GCN1: variants seen among roughly 807,000 people sequenced by gnomAD.
GCN1 encodes the protein stalled ribosome sensor GCN1.
Under a neutral mutation model 288.4 loss-of-function variants are expected in GCN1, and 90 were observed. That is an observed-to-expected ratio of 0.31 (90% CI 0.26 to 0.37). The LOEUF (loss-of-function observed/expected upper bound fraction) is 0.37. Among genes scored for constraint, GCN1 ranks in the 10% least tolerant of loss-of-function variants. The pLI is 1.00. For synonymous variants in GCN1, 1,386 were observed against 1,420.2 expected, an observed-to-expected ratio of 0.98 and a Z score of 0.54; for missense variants, 2,586 against 3,419.9, an observed-to-expected ratio of 0.76 and a Z score of 6.08.
At position 120,160,247 on chromosome 12, in the gene GCN1, CTTT is replaced by C. The variant is rs1566309119; in HGVS notation, c.2442_2444del (p.Ile814_Lys815delinsMet). On this transcript the variant is annotated inframe_deletion, in exon 23 of 58. Transcript: ENST00000300648. ...CCTCCTCTTTGATGCCTTTCTTCTT[CTTT>C]ATCTCCTAAAGAGGATGGGCAAACC... The C allele has an allele frequency of 1.9e-6, 3 of 1,610,238 alleles. No individual in the cohort carries two copies. The highest frequency in any genetic ancestry group is 1.7e-4 in the Middle Eastern group (1 of 6,058).
chr12:120,148,113 A>G (rs769028080), intron 37 of GCN1, 54 bp downstream of exon 37: 37 of 1,348,644 alleles, frequency 2.7e-5, no homozygotes, highest in Non-Finnish European at 3.6e-5. Flanking sequence ...CAGTGTCCAA[A>G]GGCTGCGGCG....
At position 120,156,314 on chromosome 12, in the gene GCN1, CAG is replaced by C. The variant is rs1321295261; in HGVS notation, c.3312+145_3312+146del. 7.7e-5 allele frequency: 55 copies of C among 714,358 alleles called. No homozygotes were observed. In the African/African-American group the frequency reaches 7.9e-4, roughly 10 times the overall value. 44.3% of individuals were successfully genotyped at this position (714,358 alleles called of 1,614,324 possible). On this transcript the variant is annotated intron_variant, in intron 28 of 57. Coordinates refer to ENST00000300648, the MANE Select transcript of GCN1 (RefSeq NM_006836.2). The surrounding 1 kb of genome is among the most constrained non-coding windows in gnomAD (Gnocchi z 5.8). ...CATGACTGCTTAGTGTTCTGATTCT[CAG>C]AGAGACCCCAACCATGTGACTTCTT...
At chr12:120,185,311 G>A (rs1196265648) in intron 2 of GCN1, among the ~76,000 whole-genome samples, 2 of 152,138 alleles carry the variant, frequency 1.3e-5, no homozygotes, top group Non-Finnish European at 2.9e-5. Flanking sequence ...GAAGTACTAT[G>A]AGGGACCAGA....
Position 120,140,924 on chromosome 12 carries a change from T to C in GCN1, c.5929A>G (p.Ser1977Gly). 6.2e-7 allele frequency: 1 copy of C among 1,614,036 alleles called. No individual in the cohort carries two copies. The highest frequency in any genetic ancestry group is 8.5e-7 in the Non-Finnish European group (1 of 1,179,968). The change falls in exon 45 of 58, where the codon AGC becomes GGC. Residue 1977 changes from serine to glycine, a missense_variant. Around this residue, in one of 8 missense-constraint regions of GCN1, gnomAD observed 437 missense variants for 570.5 expected, o/e 0.77. Transcript: ENST00000300648. ...ILEEGLRSQK[S>G]DERQGVCIGL... ...ATGCACACACCCTGCCTCTCATCGC[T>C]CTTCTGAGACCTCAGGCCTTCCTCA...
At chr12:120,190,852 T>TA (rs1878981337) in intron 1 of GCN1, among the ~76,000 whole-genome samples, 1 of 152,174 alleles carries the variant, frequency 6.6e-6, no homozygotes, top group African/African-American at 2.4e-5. Context: ...TATCTCACTT[T>TA]AACCTCCCCA....
chr12:120,184,378 A>G lies in GCN1; in HGVS notation c.186-135T>C, dbSNP rs1878756790. 6.7e-6 allele frequency: 5 copies of G among 742,332 alleles called. No homozygotes were observed. The South Asian group carries it at 9.0e-5, about 13-fold the overall frequency. The allele number at this position is 742,332 out of a possible 1,614,324, so 46.0% of individuals were successfully genotyped here. A position where few individuals can be genotyped will look rare whatever the true frequency, so the allele number is the denominator to read the frequency against. ...TATTCCAGTGGATAACAGAGAAGGG[A>G]TTAGGAAATAACTAGATAAACTCAC... On this transcript the variant is annotated intron_variant, in intron 3 of 57. Coordinates refer to ENST00000300648, the MANE Select transcript of GCN1 (RefSeq NM_006836.2).
chr12:120,188,450 A>AC (rs2139146274), intron 2 of GCN1, among the ~76,000 whole-genome samples: 2 of 151,172 alleles, frequency 1.3e-5, no homozygotes, highest in African/African-American at 4.9e-5. Context: ...GAAAAAAAAA[A>AC]AAAAAAAACC....
chr12:120,135,859 C>CA (rs1876986080), intron 51 of GCN1, among the ~76,000 whole-genome samples: 1 of 151,554 alleles, frequency 6.6e-6, no homozygotes, highest in Non-Finnish European at 1.5e-5. Flanking sequence ...ACTAAAAATA[C>CA]AAAAAAATTA....
intron 16 of GCN1, among the ~76,000 whole-genome samples, chr12:120,167,263 G>C (rs1017868391): frequency 6.8e-6 from 1 of 147,910 alleles, no homozygotes; most frequent in African/African-American, 2.5e-5. Flanking sequence ...TGAGGCAAGA[G>C]AACCGCTTGA....
At position 120,168,319 on chromosome 12, in the gene GCN1, T is replaced by A; in HGVS notation, c.1520-19A>T. 7.0e-7 allele frequency: 1 copy of A among 1,434,568 alleles called. No homozygotes were observed. The highest frequency in any genetic ancestry group is 9.8e-7 in the Non-Finnish European group (1 of 1,015,882). The allele number at this position is 1,434,568 out of a possible 1,614,324, so 88.9% of individuals were successfully genotyped here. ...TTGGCCTCTGCAAGAAACAAAAGGT[T>A]ACCCCACGACGCAGCTCACCACATC... is the stretch of plus-strand genomic sequence containing the variant. On this transcript the variant is annotated intron_variant, in intron 15 of 57. Transcript: ENST00000300648.
At chr12:120,174,247 G>A (rs1013679375) in intron 12 of GCN1, 78 bp from the exon 13 acceptor site, 8 of 804,102 alleles carry the variant, frequency 9.9e-6, no homozygotes, top group African/African-American at 3.4e-5. Flanking sequence ...TGCCACCTCC[G>A]CACTCTGGGT....
At position 120,178,842 on chromosome 12, in the gene GCN1, G is replaced by A; in HGVS notation, c.525+10C>T. 6.2e-7 allele frequency: 1 copy of A among 1,613,874 alleles called. No homozygotes were observed. The highest frequency in any genetic ancestry group is 8.5e-7 in the Non-Finnish European group (1 of 1,179,724). On this transcript the variant is annotated intron_variant, in intron 6 of 57. Transcript: ENST00000300648. ...GAAGCAATGCCCACCAGCCCCTGCA[G>A]TCCTGTCACCTCTTTCCACAGCTTC...
At chr12:120,170,423 C>T (rs923922883) in intron 14 of GCN1, 102 bp from the exon 15 acceptor site, 2 of 1,007,816 alleles carry the variant, frequency 2.0e-6, no homozygotes, top group African/African-American at 3.3e-5. Flanking sequence ...ACGACTAAAA[C>T]CCTTCAGTTA....
chr12:120,154,069 A>G (rs1330155835), intron 31 of GCN1, among the ~76,000 whole-genome samples, 160 bp from the exon 32 acceptor site: 2 of 152,170 alleles, frequency 1.3e-5, no homozygotes, highest in Non-Finnish European at 2.9e-5. Context: ...TGCTCACCCA[A>G]TGTTCTGGAA....
chr12:120,160,541 C>T (rs1877892829), intron 22 of GCN1, among the ~76,000 whole-genome samples: 1 of 152,218 alleles, frequency 6.6e-6, no homozygotes, highest in Non-Finnish European at 1.5e-5. Flanking sequence ...CCTCAATGTA[C>T]TCAAAAGGGT....
In GCN1 at chr12:120,138,749, G is replaced by A. The variant is rs757300626; in HGVS notation, c.6102C>T (p.Ser2034=). The A allele has an allele frequency of 2.5e-6, 4 of 1,614,210 alleles. No individual in the cohort carries two copies. In the South Asian group the frequency reaches 3.3e-5, roughly 13 times the overall value. ...CCTCCAGAGCCTGGTGGCCGATGGT[G>A]GAATGCAGCTGCTCGAAAGTCTTGG... ...AAAKTFEQLH[S]TIGHQALEDI... The change falls in exon 46 of 58, where the codon TCC becomes TCT. Residue 2034 remains serine, a synonymous_variant. Transcript: ENST00000300648.
At chr12:120,164,575 ACCCTTTCTCGGGTTCCTGC>A in intron 17 of GCN1, 52 bp downstream of exon 17, 1 of 1,595,588 alleles carries the variant, frequency 6.3e-7, no homozygotes, top group Non-Finnish European at 8.6e-7. Flanking sequence ...CCTGCCACAC[ACCCTTTCTCGGGTTCCTGC>A]CAGCCTTTGC....
At chr12:120,174,263 A>G in intron 12 of GCN1, 94 bp from the exon 13 acceptor site, 1 of 732,116 alleles carries the variant, frequency 1.4e-6, no homozygotes, top group Non-Finnish European at 2.5e-6. Context: ...TGGGTCACAG[A>G]CCTCTTCTGT....
chr12:120,150,836 C>T (rs1409372481), intron 34 of GCN1, among the ~76,000 whole-genome samples: 1 of 151,716 alleles, frequency 6.6e-6, no homozygotes, highest in African/African-American at 2.4e-5. Context: ...ACTTGGGAGG[C>T]TAAGGCAGGA....
Sources: gnomAD v4.1 joint callset for allele counts (sites outside exome capture counted in the v4.1 genomes callset) on GRCh38, gnomAD v4.1.1 for gene constraint, gnomAD v4.1.1 regional missense constraint, Gnocchi (gnomAD v3.1) non-coding constraint, MANE v1.5 for transcripts, NCBI Gene and HGNC (gene_info 2026-07-23, HGNC 2026-07-21) for gene names.